Variants in KCNH5 observed in about 807,000 individuals in gnomAD.
The protein encoded by KCNH5 is voltage-gated delayed rectifier potassium channel KCNH5.
In KCNH5, 46 loss-of-function variants were observed where a neutral mutation model predicts 96.1. The observed-to-expected ratio is 0.48, with a 90% CI of 0.38 to 0.61. The LOEUF is 0.61. Ranked by LOEUF, KCNH5 falls within the 20% of genes least tolerant of loss-of-function variation. The probability of loss-of-function intolerance (pLI) is 0.00; values close to 1 mark genes in which losing one functional copy is unlikely to be tolerated. For missense variants in KCNH5, 907 were observed against 1,225.8 expected, an observed-to-expected ratio of 0.74 and a Z score of 3.88; for synonymous variants, 439 against 449.8, an observed-to-expected ratio of 0.98 and a Z score of 0.30.
chr14:62,718,797 AAAC>A, intron 10 of KCNH5, among the ~76,000 whole-genome samples: 1 of 152,370 alleles, frequency 6.6e-6, no homozygotes, highest in Non-Finnish European at 1.5e-5. Context: ...CAAAAAGTAG[AAAC>A]AACCCACATA....
intron 7 of KCNH5, among the ~76,000 whole-genome samples, chr14:62,943,198 G>A (rs369075423): frequency 2.0e-4 from 31 of 152,014 alleles, no homozygotes; most frequent in African/African-American, 5.5e-4. Flanking sequence ...CCCTTATAAC[G>A]GCTGGATTAA....
chr14:62,794,127 T>A (rs538888013), intron 9 of KCNH5, among the ~76,000 whole-genome samples: 1 of 152,078 alleles, frequency 6.6e-6, no homozygotes, highest in South Asian at 2.1e-4. Context: ...AAGGACAGTA[T>A]TTATAGATAC....
chr14:62,859,515 G>C (rs548650263), intron 7 of KCNH5, among the ~76,000 whole-genome samples: 1 of 152,258 alleles, frequency 6.6e-6, no homozygotes, highest in East Asian at 1.9e-4. Flanking sequence ...TATCTTCACA[G>C]TTTTTGACCA....
chr14:62,953,816 A>G (rs1890051233), intron 6 of KCNH5, among the ~76,000 whole-genome samples: 1 of 152,130 alleles, frequency 6.6e-6, no homozygotes, highest in Non-Finnish European at 1.5e-5. Flanking sequence ...CTGCCTCTCC[A>G]TCAGCCATCC....
rs376839813 is a variant in KCNH5, at chr14:62,724,043, T to A, written c.2020-15588A>T. Among the ~76,000 whole-genome samples the A allele has an allele frequency of 5.9e-5, 9 of 152,186 alleles. No individual in the cohort carries two copies. The East Asian group carries it at 1.3e-3, about 23-fold the overall frequency. On this transcript the variant is annotated intron_variant, in intron 10 of 10. Transcript: ENST00000322893. ...TTTCCACCCCATTCCAACTCAAGAA[T>A]TTGATTGTTCAATACATTTAGATAA...
Position 63,045,388 on chromosome 14 carries a change from A to T in KCNH5, c.-202T>A. On this transcript the variant is annotated 5_prime_UTR_variant, in exon 1 of 11. The change abolishes an upstream ATG in the 5' untranslated region. Coordinates refer to ENST00000322893, the MANE Select transcript of KCNH5 (RefSeq NM_139318.5). ...TCTGGGGAGGAGGACCAGGCAGTTC[A>T]TGGTAGTAGCGCTCCCCCGGCCGCC... The T allele has an allele frequency of 3.4e-6, 2 of 589,446 alleles. No homozygotes were observed. The highest frequency in any genetic ancestry group is 6.1e-6 in the Non-Finnish European group (2 of 328,820). 36.5% of individuals were successfully genotyped at this position (589,446 alleles called of 1,614,324 possible). A position where few individuals can be genotyped will look rare whatever the true frequency, so the allele number is the denominator to read the frequency against.
intron 10 of KCNH5, among the ~76,000 whole-genome samples, chr14:62,721,748 T>C (rs901192645): frequency 1.3e-5 from 2 of 152,256 alleles, no homozygotes; most frequent in South Asian, 2.1e-4. Flanking sequence ...TTTAGTGCCA[T>C]GTTAAACATA....
intron 8 of KCNH5, among the ~76,000 whole-genome samples, chr14:62,839,677 T>A (rs970637034): frequency 2.0e-5 from 3 of 152,220 alleles, no homozygotes; most frequent in Admixed American, 6.5e-5. Context: ...ATTATTTACA[T>A]GGAACACACA....
intron 10 of KCNH5, among the ~76,000 whole-genome samples, chr14:62,748,594 G>A (rs542511958): frequency 2.0e-5 from 3 of 152,098 alleles, no homozygotes; most frequent in South Asian, 2.1e-4. Flanking sequence ...TTAATCCTAA[G>A]GGTTGCAGAG....
At chr14:62,843,139 AT>A (rs938361889) in intron 8 of KCNH5, among the ~76,000 whole-genome samples, 4 of 152,168 alleles carry the variant, frequency 2.6e-5, no homozygotes. Flanking sequence ...ATTCATATTT[AT>A]TTTAACTACC....
chr14:62,963,698 G>A (rs549355551), intron 6 of KCNH5, among the ~76,000 whole-genome samples: 1 of 152,208 alleles, frequency 6.6e-6, no homozygotes, highest in East Asian at 1.9e-4. Flanking sequence ...TTTACTGAAT[G>A]TACTGATCCA....
At position 62,909,030 on chromosome 14, in the gene KCNH5, G is replaced by GTTTTT. The variant is rs1566703759; in HGVS notation, c.1369+41102_1369+41103insAAAAA. Among the ~76,000 whole-genome samples, 75 of 100,784 alleles carry GTTTTT rather than the reference G, an allele frequency of 7.4e-4. 1 individual carries two copies. Among genetic ancestry groups the GTTTTT allele is most frequent in the African/African-American group, 2.8e-3 (71 of 25,038 alleles). 66.1% of individuals were successfully genotyped at this position (100,784 alleles called of 152,430 possible). A position where few individuals can be genotyped will look rare whatever the true frequency, so the allele number is the denominator to read the frequency against. ...TCAAACATAGAAAACACTATGCTACGTATTTTTTTTTTTTTTTTTTTTTTT... is the reference window on the plus strand; with the variant it reads ...TCAAACATAGAAAACACTATGCTACGTTTTTTATTTTTTTTTTTTTTTTTTTTTTT... On this transcript the variant is annotated intron_variant, in intron 7 of 10. Coordinates refer to ENST00000322893, the MANE Select transcript of KCNH5 (RefSeq NM_139318.5).
intron 8 of KCNH5, among the ~76,000 whole-genome samples, chr14:62,840,573 T>C (rs1365274013): frequency 2.9e-4 from 39 of 133,666 alleles, no homozygotes; most frequent in Middle Eastern, 3.7e-3. Context: ...TTTCTTTTTT[T>C]TTTTTTTTTT....
chr14:62,922,807 G>A (rs1228553270), intron 7 of KCNH5, among the ~76,000 whole-genome samples: 2 of 151,872 alleles, frequency 1.3e-5, no homozygotes, highest in Non-Finnish European at 2.9e-5. Context: ...ACTCAATAAA[G>A]GCTATATATG....
At chr14:62,970,263 A>G (rs2139556276) in intron 6 of KCNH5, among the ~76,000 whole-genome samples, 1 of 152,182 alleles carries the variant, frequency 6.6e-6, no homozygotes, top group East Asian at 1.9e-4. Flanking sequence ...AATCCTTGAA[A>G]GACACATCTG....
chr14:62,905,499 G>T (rs375656517), intron 7 of KCNH5, among the ~76,000 whole-genome samples: 4 of 151,990 alleles, frequency 2.6e-5, no homozygotes, highest in Non-Finnish European at 4.4e-5. Context: ...CTTCATTGAG[G>T]GGGGCAGGGG....
chr14:62,858,608 T>G (rs7148596), intron 7 of KCNH5, among the ~76,000 whole-genome samples: 32,842 of 152,048 alleles, frequency 0.22, 3,875 homozygotes, highest in East Asian at 0.45. Context: ...TTGTGTCTCC[T>G]GGCTCCTCCC....
At chr14:62,720,001 A>G (rs1029601652) in intron 10 of KCNH5, among the ~76,000 whole-genome samples, 2 of 152,214 alleles carry the variant, frequency 1.3e-5, no homozygotes, top group African/African-American at 4.8e-5. Context: ...GATATTTTAT[A>G]TGATGTCTGA....
In KCNH5 at chr14:62,798,865, C is replaced by A. The variant is rs114465194; in HGVS notation, c.1822+3464G>T. Among the ~76,000 whole-genome samples the A allele has an allele frequency of 2.7e-3, 404 of 152,230 alleles. 1 individual carries two copies. The highest frequency in any genetic ancestry group is 9.4e-3 in the African/African-American group (389 of 41,524). On this transcript the variant is annotated intron_variant, in intron 9 of 10. Transcript: ENST00000322893. ...ATGAAACTGCACCTGTTTTTGGATT[C>A]AGAGATTCTAATTAATTTTAAAATA...
Sources: gnomAD v4.1 joint callset for allele counts (sites outside exome capture counted in the v4.1 genomes callset) on GRCh38, gnomAD v4.1.1 for gene constraint, MANE v1.5 for transcripts, NCBI Gene and HGNC (gene_info 2026-07-23, HGNC 2026-07-21) for gene names.